Variants in ECHDC1 observed in about 807,000 individuals in gnomAD.
The protein encoded by ECHDC1 is ethylmalonyl-CoA decarboxylase.
In ECHDC1, 29 loss-of-function variants were observed where a neutral mutation model predicts 29.7. That is an observed-to-expected ratio of 0.98 (90% CI 0.73 to 1.33). The LOEUF is 1.33. Ranked by LOEUF, ECHDC1 falls within the 40% of genes most tolerant of loss-of-function variation. ECHDC1 has a pLI of 0.00. For synonymous variants in ECHDC1, 126 were observed against 123.1 expected, an observed-to-expected ratio of 1.02 and a Z score of -0.15; for missense variants, 328 against 350.0, an observed-to-expected ratio of 0.94 and a Z score of 0.50.
chr6:127,323,789 T>G (rs1186940128), intron 3 of ECHDC1, among the ~76,000 whole-genome samples: 1 of 152,158 alleles, frequency 6.6e-6, no homozygotes, highest in Non-Finnish European at 1.5e-5. Flanking sequence ...CTAATTTCAT[T>G]TCCTTCCTTT....
At chr6:127,306,202 A>C (rs919519040) in intron 5 of ECHDC1, among the ~76,000 whole-genome samples, 1 of 152,176 alleles carries the variant, frequency 6.6e-6, no homozygotes, top group South Asian at 2.1e-4. Context: ...TGTTAAGAAG[A>C]GATGAAGAAA....
chr6:127,317,430 A>C (rs1782477846), intron 3 of ECHDC1, among the ~76,000 whole-genome samples: 2 of 152,142 alleles, frequency 1.3e-5, no homozygotes, highest in Non-Finnish European at 2.9e-5. Flanking sequence ...AGCACGGCAA[A>C]ACCAACTGAA....
chr6:127,322,456 A>C (rs1002507333), intron 3 of ECHDC1, among the ~76,000 whole-genome samples: 1 of 151,990 alleles, frequency 6.6e-6, no homozygotes, highest in African/African-American at 2.4e-5. Flanking sequence ...CAGTAATACT[A>C]CTCCTCAGCT....
chr6:127,311,535 C>T (rs781279908), intron 5 of ECHDC1, among the ~76,000 whole-genome samples: 1 of 151,380 alleles, frequency 6.6e-6, no homozygotes, highest in Admixed American at 6.6e-5. Flanking sequence ...ATTAACCAGG[C>T]GTGGTGGCAG....
At position 127,327,146 on chromosome 6, in the gene ECHDC1, T is replaced by C. The variant is rs1170915206; in HGVS notation, c.221-2A>G. 6.2e-7 allele frequency: 1 copy of C among 1,610,564 alleles called. No individual in the cohort carries two copies. Among genetic ancestry groups the C allele is most frequent in the South Asian group, 1.1e-5 (1 of 90,306 alleles). On this transcript the variant is annotated splice_acceptor_variant, in intron 2 of 5. Transcript: ENST00000454859. LOFTEE classifies it high-confidence loss of function. Reference sequence around the variant, plus strand: ...CCAGAAGTTGTAGCATCATAACACCTGCCAGAGATGGAAGTGGGAAATCAC... The same window carrying C: ...CCAGAAGTTGTAGCATCATAACACCCGCCAGAGATGGAAGTGGGAAATCAC...
rs755038071 is a variant in ECHDC1, at chr6:127,290,125, G to C, written c.650C>G (p.Ala217Gly). The C allele has an allele frequency of 2.5e-6, 4 of 1,613,642 alleles. No individual in the cohort carries two copies. The highest frequency in any genetic ancestry group is 3.4e-6 in the Non-Finnish European group (4 of 1,179,734). ...SGALKLDSKN[A>G]LNIGMVEEVL... ...CTCTTCAACCATTCCTATGTTTAGA[G>C]CATTTTTTGAATCCAGTTTAAGGGC... is the stretch of plus-strand genomic sequence containing the variant. The change falls in exon 6 of 6, where the codon GCT becomes GGT. Residue 217 changes from alanine to glycine, a missense_variant. Ala to Gly is a moderately conservative substitution (Grantham distance 60, BLOSUM62 0). Transcript: ENST00000454859.
Position 127,307,648 on chromosome 6 carries a change from G to GA in ECHDC1, c.497+7167dup, listed in dbSNP as rs71024770. Among the ~76,000 whole-genome samples the GA allele has an allele frequency of 4.6e-3, 226 of 48,650 alleles. 20 individuals carry two copies. The highest frequency in any genetic ancestry group is 0.021 in the Middle Eastern group (1 of 48). 31.9% of individuals were successfully genotyped at this position (48,650 alleles called of 152,430 possible). ...GGTGACAGAGTGATACTCTGTCTCA[G>GA]AAAAAAAAAAAAAAGACAGAAAGAA... On this transcript the variant is annotated intron_variant, in intron 5 of 5. Transcript: ENST00000454859.
Position 127,304,656 on chromosome 6 carries a change from C to A in ECHDC1, c.497+10160G>T, listed in dbSNP as rs550010528. Among the ~76,000 whole-genome samples, 7 of 152,166 alleles carry A rather than the reference C, an allele frequency of 4.6e-5. No homozygotes were observed. The South Asian group carries it at 1.5e-3, about 32-fold the overall frequency. Reference sequence around the variant, plus strand: ...AAACTCAAAGAAATTCAAGATAACACAGAGGAGGAATTCAGAATCCTATCA... The same window carrying A: ...AAACTCAAAGAAATTCAAGATAACAAAGAGGAGGAATTCAGAATCCTATCA... On this transcript the variant is annotated intron_variant, in intron 5 of 5. Coordinates refer to ENST00000454859, the MANE Select transcript of ECHDC1 (RefSeq NM_001002030.2).
intron 3 of ECHDC1, among the ~76,000 whole-genome samples, chr6:127,325,481 G>C (rs980729785): frequency 6.6e-6 from 1 of 152,062 alleles, no homozygotes; most frequent in Non-Finnish European, 1.5e-5. Context: ...CATATTCAAT[G>C]TATACAACTT....
At chr6:127,302,107 T>C (rs1781099025) in intron 5 of ECHDC1, among the ~76,000 whole-genome samples, 1 of 152,228 alleles carries the variant, frequency 6.6e-6, no homozygotes, top group South Asian at 2.1e-4. Flanking sequence ...CATTACATTT[T>C]CTTCAATTAG....
chr6:127,320,873 T>A (rs2114641903), intron 3 of ECHDC1, among the ~76,000 whole-genome samples: 1 of 152,156 alleles, frequency 6.6e-6, no homozygotes, highest in South Asian at 2.1e-4. Context: ...CGCGATCAAC[T>A]TCTTATGGGA....
intron 1 of ECHDC1, among the ~76,000 whole-genome samples, chr6:127,334,001 G>A (rs1430260923): frequency 1.3e-5 from 2 of 152,044 alleles, no homozygotes; most frequent in South Asian, 2.1e-4. Flanking sequence ...TCCTGTGCAA[G>A]CTTTTTGCCC....
At chr6:127,333,636 C>T (rs1784160345) in intron 1 of ECHDC1, among the ~76,000 whole-genome samples, 2 of 148,728 alleles carry the variant, frequency 1.3e-5, no homozygotes, top group South Asian at 2.1e-4. Flanking sequence ...GGTGGGACTA[C>T]ATGACATATC....
rs571529187 is a variant in ECHDC1, at chr6:127,310,652, C to T, written c.497+4164G>A. Among the ~76,000 whole-genome samples the T allele has an allele frequency of 2.0e-5, 3 of 152,306 alleles. No homozygotes were observed. The East Asian group carries it at 5.8e-4, about 29-fold the overall frequency. On this transcript the variant is annotated intron_variant, in intron 5 of 5. Coordinates refer to ENST00000454859, the MANE Select transcript of ECHDC1 (RefSeq NM_001002030.2). ...ATGGAATTTAATTTTGGTGAAGATGCTGTGAACACTGTTGAAATGACAACA... is the reference window on the plus strand; with the variant it reads ...ATGGAATTTAATTTTGGTGAAGATGTTGTGAACACTGTTGAAATGACAACA...
intron 4 of ECHDC1, 196 bp from the exon 5 acceptor site, chr6:127,315,092 T>G (rs1782254520): frequency 2.9e-6 from 2 of 693,428 alleles, no homozygotes; most frequent in Non-Finnish European, 5.3e-6. Context: ...ATACTAAACA[T>G]ACAATAGTTC....
intron 1 of ECHDC1, among the ~76,000 whole-genome samples, chr6:127,337,729 T>A (rs1339118677): frequency 6.6e-6 from 1 of 152,144 alleles, no homozygotes; most frequent in Non-Finnish European, 1.5e-5. Flanking sequence ...ACACCTATAT[T>A]CTCATGACAG....
chr6:127,300,358 CTG>C (rs1167839365), intron 5 of ECHDC1, among the ~76,000 whole-genome samples: 2 of 152,182 alleles, frequency 1.3e-5, no homozygotes, highest in Non-Finnish European at 2.9e-5. Flanking sequence ...TCTCTGGCAA[CTG>C]TGCATGTGTT....
At chr6:127,296,652 A>G (rs1462844360) in intron 5 of ECHDC1, among the ~76,000 whole-genome samples, 2 of 152,208 alleles carry the variant, frequency 1.3e-5, no homozygotes, top group African/African-American at 4.8e-5. Flanking sequence ...AAATATGAAT[A>G]AATAATTCAC....
chr6:127,301,091 T>C (rs961742978), intron 5 of ECHDC1, among the ~76,000 whole-genome samples: 36 of 152,336 alleles, frequency 2.4e-4, no homozygotes, highest in African/African-American at 8.4e-4. Context: ...AAAATACCAA[T>C]TTTTAATTCA....
Sources: gnomAD v4.1 joint callset for allele counts (sites outside exome capture counted in the v4.1 genomes callset) on GRCh38, gnomAD v4.1.1 for gene constraint, MANE v1.5 for transcripts, NCBI Gene and HGNC (gene_info 2026-07-23, HGNC 2026-07-21) for gene names.